Variants in GPR137B observed in about 807,000 individuals in gnomAD.
GPR137B encodes G protein-coupled receptor 137B.
GPR137B carries 42 observed loss-of-function variants against 42.5 expected under a neutral mutation model. The ratio of observed to expected loss-of-function variants is 0.99; its 90% CI spans 0.77 to 1.28. The LOEUF is 1.28. GPR137B is among the 50% of genes most tolerant of loss of function. The probability of loss-of-function intolerance (pLI) is 0.00; values close to 1 mark genes in which losing one functional copy is unlikely to be tolerated. For missense variants in GPR137B, 487 were observed against 493.9 expected, an observed-to-expected ratio of 0.99 and a Z score of 0.13; for synonymous variants, 218 against 209.7, an observed-to-expected ratio of 1.04 and a Z score of -0.34.
chr1:236,162,344 G>C (rs993738721), intron 1 of GPR137B, among the ~76,000 whole-genome samples: 2 of 152,096 alleles, frequency 1.3e-5, no homozygotes, highest in Admixed American at 1.3e-4. Context: ...GTTTTAAAAG[G>C]GAAACAGAAC....
chr1:236,152,797 T>A (rs1205274575), intron 1 of GPR137B, among the ~76,000 whole-genome samples: 7 of 150,006 alleles, frequency 4.7e-5, no homozygotes, highest in Non-Finnish European at 7.4e-5. Flanking sequence ...GTGGATCACG[T>A]CTATAATCCC....
chr1:236,143,457 G>T (rs900596201), intron 1 of GPR137B, among the ~76,000 whole-genome samples: 14 of 152,254 alleles, frequency 9.2e-5, no homozygotes, highest in Non-Finnish European at 1.9e-4. Flanking sequence ...GCCTGGAAAG[G>T]TCTTCTGCAC....
chr1:236,193,076 G>A (rs1201290309), intron 5 of GPR137B, among the ~76,000 whole-genome samples: 1 of 151,718 alleles, frequency 6.6e-6, no homozygotes, highest in African/African-American at 2.4e-5. Context: ...TGTATTTTTA[G>A]TAGAGATGGG....
At chr1:236,206,662 C>G (rs917500550) in intron 6 of GPR137B, among the ~76,000 whole-genome samples, 3 of 152,118 alleles carry the variant, frequency 2.0e-5, no homozygotes, top group Non-Finnish European at 4.4e-5. Context: ...AGAGATCCAC[C>G]CCAGGATTCC....
intron 1 of GPR137B, among the ~76,000 whole-genome samples, chr1:236,162,461 G>A (rs1352814781): frequency 6.6e-6 from 1 of 152,236 alleles, no homozygotes; most frequent in East Asian, 1.9e-4. Flanking sequence ...GTAGCAAAGA[G>A]CCTAACGTTA....
chr1:236,190,885 C>T (rs1663174390), intron 5 of GPR137B, among the ~76,000 whole-genome samples: 2 of 152,120 alleles, frequency 1.3e-5, no homozygotes. Flanking sequence ...TGAATGTTGG[C>T]CTGTCTTGCT....
In GPR137B at chr1:236,156,050, A is replaced by G. The variant is rs935059239; in HGVS notation, c.415-12656A>G. ...GGCGCCAGGTGAGCCAAACAGGACC[A>G]TGCAGCGGAGCTCTCAGGAGGGCTG... On this transcript the variant is annotated intron_variant, in intron 1 of 6. Coordinates refer to ENST00000366592, the MANE Select transcript of GPR137B (RefSeq NM_003272.4). The surrounding 1 kb of genome is among the most constrained non-coding windows in gnomAD (Gnocchi z 4.8). Among the ~76,000 whole-genome samples the G allele has an allele frequency of 6.6e-6, 1 of 152,214 alleles. No homozygotes were observed. Among genetic ancestry groups the G allele is most frequent in the Non-Finnish European group, 1.5e-5 (1 of 68,030 alleles).
intron 1 of GPR137B, among the ~76,000 whole-genome samples, chr1:236,144,068 C>CTCAT (rs1349602574): frequency 2.8e-5 from 4 of 144,856 alleles, no homozygotes; most frequent in Non-Finnish European, 6.0e-5. Flanking sequence ...AAGCAGGCAT[C>CTCAT]TCATTCCTTT....
chr1:236,183,035 A>G (rs1260207572), intron 4 of GPR137B, among the ~76,000 whole-genome samples: 1 of 152,190 alleles, frequency 6.6e-6, no homozygotes, highest in East Asian at 1.9e-4. Context: ...AGAGAAGGCA[A>G]AAGGGTTAAG....
intron 2 of GPR137B, among the ~76,000 whole-genome samples, chr1:236,174,834 A>C (rs1047151728): frequency 6.6e-6 from 1 of 151,684 alleles, no homozygotes; most frequent in Non-Finnish European, 1.5e-5. Context: ...GTGACAGAGC[A>C]AGACCCCAAC....
chr1:236,166,805 A>T (rs982427524), intron 1 of GPR137B, among the ~76,000 whole-genome samples: 1 of 151,998 alleles, frequency 6.6e-6, no homozygotes, highest in African/African-American at 2.4e-5. Context: ...GGCCGTCATA[A>T]GATCATTATC....
In GPR137B at chr1:236,150,150, T is replaced by G. The variant is rs1661808889; in HGVS notation, c.414+7114T>G. Among the ~76,000 whole-genome samples, 1 of 151,042 alleles carries G rather than the reference T, an allele frequency of 6.6e-6. No homozygotes were observed. Among genetic ancestry groups the G allele is most frequent in the African/African-American group, 2.4e-5 (1 of 40,978 alleles). Reference sequence around the variant, plus strand: ...GTGTGCCTGTGTGTGTGCCTCTGTTTGTGTCTGTGCATGTGTGTGCCCGTT... The same window carrying G: ...GTGTGCCTGTGTGTGTGCCTCTGTTGGTGTCTGTGCATGTGTGTGCCCGTT... On this transcript the variant is annotated intron_variant, in intron 1 of 6. Coordinates refer to ENST00000366592, the MANE Select transcript of GPR137B (RefSeq NM_003272.4). This position sits in a 1 kb window ranked among gnomAD's most constrained non-coding sequence, Gnocchi z 6.2.
chr1:236,155,235 C>T lies in GPR137B; in HGVS notation c.414+12199C>T, dbSNP rs1463723291. The stretch of plus-strand genomic sequence containing the variant: ...TGCGGGGCTTCCAGGGCGGAGGACA[C>T]GGGCTGACACGGGCTGTCCCTGGGA... On this transcript the variant is annotated intron_variant, in intron 1 of 6. Coordinates refer to ENST00000366592, the MANE Select transcript of GPR137B (RefSeq NM_003272.4). The surrounding 1 kb of genome is among the most constrained non-coding windows in gnomAD (Gnocchi z 4.6). Among the ~76,000 whole-genome samples the T allele has an allele frequency of 6.6e-6, 1 of 152,168 alleles. No individual in the cohort carries two copies. The highest frequency in any genetic ancestry group is 6.5e-5 in the Admixed American group (1 of 15,282).
At chr1:236,168,256 A>C (rs902836403) in intron 1 of GPR137B, among the ~76,000 whole-genome samples, 17 of 152,094 alleles carry the variant, frequency 1.1e-4, no homozygotes, top group Non-Finnish European at 2.1e-4. Flanking sequence ...GTGAAACCCC[A>C]TCTCTACTAA....
At chr1:236,203,866 C>T (rs1663575201) in intron 5 of GPR137B, among the ~76,000 whole-genome samples, 1 of 152,126 alleles carries the variant, frequency 6.6e-6, no homozygotes, top group South Asian at 2.1e-4. Flanking sequence ...TATTAGTTCT[C>T]ATACTTTTTG....
intron 5 of GPR137B, among the ~76,000 whole-genome samples, chr1:236,193,797 C>T (rs1663262702): frequency 6.6e-6 from 1 of 152,070 alleles, no homozygotes; most frequent in African/African-American, 2.4e-5. Context: ...ATATGATTTG[C>T]ACATATTTTC....
chr1:236,185,190 T>TG lies in GPR137B; in HGVS notation c.966+1287dup, dbSNP rs954739790. Among the ~76,000 whole-genome samples, 5 of 152,174 alleles carry TG rather than the reference T, an allele frequency of 3.3e-5. No individual in the cohort carries two copies. The East Asian group carries it at 9.6e-4, about 29-fold the overall frequency. On this transcript the variant is annotated intron_variant, in intron 5 of 6. Coordinates refer to ENST00000366592, the MANE Select transcript of GPR137B (RefSeq NM_003272.4). ...CCTATCTATAACTTCTGTAATTACA[T>TG]GGGAAAAAAGTCTAATACTCTTGGG...
rs1269285839 is a variant in GPR137B, at chr1:236,151,417, CATTTTTTTTTTT to C, written c.414+8382_414+8393del. The stretch of plus-strand genomic sequence containing the variant: ...CCACATATGGTCTCTGTTGCATATT[CATTTTTTTTTTT>C]TTTTTTTTTTTTTGAGACAGAGTCT... On this transcript the variant is annotated intron_variant, in intron 1 of 6. Coordinates refer to ENST00000366592, the MANE Select transcript of GPR137B (RefSeq NM_003272.4). Among the ~76,000 whole-genome samples, 22 of 126,608 alleles carry C rather than the reference CATTTTTTTTTTT, an allele frequency of 1.7e-4. No individual in the cohort carries two copies. The South Asian group carries it at 5.1e-3, about 29-fold the overall frequency. The allele number at this position is 126,608 out of a possible 152,430, so 83.1% of individuals were successfully genotyped here. A position where few individuals can be genotyped will look rare whatever the true frequency, so the allele number is the denominator to read the frequency against.
Position 236,156,825 on chromosome 1 carries a change from G to A in GPR137B, c.415-11881G>A, listed in dbSNP as rs1268755120. Among the ~76,000 whole-genome samples the A allele has an allele frequency of 2.0e-5, 3 of 152,194 alleles. No homozygotes were observed. Among genetic ancestry groups the A allele is most frequent in the Non-Finnish European group, 4.4e-5 (3 of 68,034 alleles). On this transcript the variant is annotated intron_variant, in intron 1 of 6. Coordinates refer to ENST00000366592, the MANE Select transcript of GPR137B (RefSeq NM_003272.4). This position sits in a 1 kb window ranked among gnomAD's most constrained non-coding sequence, Gnocchi z 4.8. ...CCCAATATATCAGGAAGTGGGTAGCGCAGAGGGACCAGGAGAGCAAATATC... is the reference window on the plus strand; with the variant it reads ...CCCAATATATCAGGAAGTGGGTAGCACAGAGGGACCAGGAGAGCAAATATC...
Sources: gnomAD v4.1 joint callset for allele counts (sites outside exome capture counted in the v4.1 genomes callset) on GRCh38, gnomAD v4.1.1 for gene constraint, Gnocchi (gnomAD v3.1) non-coding constraint, MANE v1.5 for transcripts, NCBI Gene and HGNC (gene_info 2026-07-23, HGNC 2026-07-21) for gene names.